KIAA1217: variants seen among roughly 807,000 people sequenced by gnomAD.
The protein encoded by KIAA1217 is KIAA1217.
KIAA1217 carries 88 observed loss-of-function variants against 163.9 expected under a neutral mutation model. The ratio of observed to expected loss-of-function variants is 0.54; its 90% CI spans 0.45 to 0.64. The LOEUF is 0.64. Among genes scored for constraint, KIAA1217 ranks in the 30% least tolerant of loss-of-function variants. KIAA1217 has a pLI of 0.00. For missense variants in KIAA1217, 2,372 were observed against 2,475.0 expected (o/e 0.96, Z 0.88); for synonymous variants, 903 against 923.1 (o/e 0.98, Z 0.39).
intron 2 of KIAA1217, among the ~76,000 whole-genome samples, chr10:24,100,140 G>GT (rs1026327426): frequency 2.0e-4 from 31 of 151,498 alleles, no homozygotes; most frequent in East Asian, 1.7e-3. Flanking sequence ...TCCTTTTAGG[G>GT]TTTTTTTTGT....
In KIAA1217 at chr10:23,697,876, C is replaced by CAA. The variant is rs763181707; in HGVS notation, c.-321+2655_-321+2656dup. On this transcript the variant is annotated intron_variant, in intron 1 of 18. Transcript: ENST00000376462. ...TGGTTGACAAAGTGAGACCCTGTCTCAAAAAAAAAAAAAAGTGTACAACAA... is the reference window on the plus strand; with the variant it reads ...TGGTTGACAAAGTGAGACCCTGTCTCAAAAAAAAAAAAAAAAGTGTACAACAA... Among the ~76,000 whole-genome samples the CAA allele has an allele frequency of 7.0e-3, 915 of 129,794 alleles. 14 individuals are homozygous for CAA. The highest frequency in any genetic ancestry group is 0.023 in the African/African-American group (808 of 35,492). The allele number at this position is 129,794 out of a possible 152,430, so 85.1% of individuals were successfully genotyped here.
intron 1 of KIAA1217, among the ~76,000 whole-genome samples, chr10:23,758,202 G>A (rs557593909): frequency 5.8e-4 from 89 of 152,196 alleles, no homozygotes; most frequent in Admixed American, 1.1e-3. Flanking sequence ...TTACATTTAG[G>A]TCTTTGATTC....
intron 6 of KIAA1217, among the ~76,000 whole-genome samples, chr10:24,480,394 T>C (rs2064528407): frequency 6.6e-6 from 1 of 152,216 alleles, no homozygotes; most frequent in South Asian, 2.1e-4. Flanking sequence ...TTCAGGTCAG[T>C]CAATCTGCTC....
chr10:24,544,117 A>T lies in KIAA1217; in HGVS notation c.4847A>T (p.Gln1616Leu), dbSNP rs1288937443. Reference protein sequence around the residue: ...EEEEEDGTLKQHKEAKRFEIA... With the variant: ...EEEEEDGTLKLHKEAKRFEIA... Reference sequence around the variant, plus strand: ...GAGGAAGAGGATGGCACCCTGAAACAGCACAAAGAAGCCAAGCGCTTCGAA... The same window carrying T: ...GAGGAAGAGGATGGCACCCTGAAACTGCACAAAGAAGCCAAGCGCTTCGAA... Residue 1616 changes from glutamine (Q) to leucine (L), a missense_variant, in exon 19 of 21, where the codon CAG becomes CTG. By Grantham distance (113) the Gln-to-Leu change is moderately radical. Transcript: ENST00000376454. 6.2e-7 allele frequency: 1 copy of T among 1,614,174 alleles called. No individual in the cohort carries two copies. Among genetic ancestry groups the T allele is most frequent in the Non-Finnish European group, 8.5e-7 (1 of 1,180,046 alleles).
rs922958869 is a variant in KIAA1217, at chr10:24,239,494, G to A, written c.354+19585G>A. On this transcript the variant is annotated intron_variant, in intron 2 of 20. Transcript: ENST00000376454. ...TCGTGCTAAAGGGCTGTTTTTAAGGGCTTTTTTTTTTTTTTTTATTGAATG... is the reference window on the plus strand; with the variant it reads ...TCGTGCTAAAGGGCTGTTTTTAAGGACTTTTTTTTTTTTTTTTATTGAATG... Among the ~76,000 whole-genome samples, 4 of 98,402 alleles carry A rather than the reference G, an allele frequency of 4.1e-5. No homozygotes were observed. The Admixed American group carries it at 4.3e-4, about 11-fold the overall frequency. 64.6% of individuals were successfully genotyped at this position (98,402 alleles called of 152,430 possible).
intron 9 of KIAA1217, among the ~76,000 whole-genome samples, chr10:24,503,706 G>T (rs1021666980): frequency 6.6e-6 from 1 of 152,190 alleles, no homozygotes; most frequent in Non-Finnish European, 1.5e-5. Context: ...ACTAATTACT[G>T]AGTACTCTGC....
intron 1 of KIAA1217, among the ~76,000 whole-genome samples, chr10:23,758,051 A>G (rs1433861535): frequency 6.6e-6 from 1 of 152,086 alleles, no homozygotes; most frequent in African/African-American, 2.4e-5. Flanking sequence ...CAAAATTTTT[A>G]AATTTTGATG....
At chr10:23,898,227 T>C (rs1841790786) in intron 1 of KIAA1217, among the ~76,000 whole-genome samples, 3 of 151,992 alleles carry the variant, frequency 2.0e-5, no homozygotes, top group African/African-American at 7.2e-5. Context: ...TACTCCATCA[T>C]ATTGATCTCA....
At chr10:24,078,544 TA>T (rs1257068621) in intron 2 of KIAA1217, among the ~76,000 whole-genome samples, 1 of 152,184 alleles carries the variant, frequency 6.6e-6, no homozygotes, top group Non-Finnish European at 1.5e-5. Context: ...TGTGGGCAAA[TA>T]CTTGGGCCCT....
chr10:24,546,105 T>C lies in KIAA1217; in HGVS notation c.5613T>C (p.Gly1871=). The change falls in exon 21 of 21, where the codon GGT becomes GGC. Residue 1871 remains glycine, a synonymous_variant. Transcript: ENST00000376454. ...SLKFQSLTHT[G]KGHHLSFSPQ... ...AGTTTCAGAGCCTCACTCATACAGG[T>C]AAAGGTCACCATCTTTCATTCTCAC... 3 of 1,614,154 alleles carry C rather than the reference T, an allele frequency of 1.9e-6. No homozygotes were observed. Among genetic ancestry groups the C allele is most frequent in the Non-Finnish European group, 2.5e-6 (3 of 1,180,030 alleles).
chr10:24,224,301 A>G (rs12268182), intron 2 of KIAA1217, among the ~76,000 whole-genome samples: 11,804 of 152,090 alleles, frequency 0.078, 1,550 homozygotes, highest in African/African-American at 0.27. Flanking sequence ...TGCTAATTCT[A>G]TGATTTGGGC....
chr10:24,264,219 G>T (rs1231832967), intron 2 of KIAA1217, among the ~76,000 whole-genome samples: 1 of 152,092 alleles, frequency 6.6e-6, no homozygotes, highest in Non-Finnish European at 1.5e-5. Context: ...GTGTTTTGTG[G>T]CAAATAAGTT....
chr10:24,523,268 G>C lies in KIAA1217; in HGVS notation c.2457-1055G>C, dbSNP rs7909246. On this transcript the variant is annotated intron_variant, in intron 12 of 20. Coordinates refer to ENST00000376454, the MANE Select transcript of KIAA1217 (RefSeq NM_019590.5). ...ACGTAAGAGTTTGAGGCTGCAGTGGGCTAGGATTGAGCCACTGCACTCCAG... is the reference window on the plus strand; with the variant it reads ...ACGTAAGAGTTTGAGGCTGCAGTGGCCTAGGATTGAGCCACTGCACTCCAG... Among the ~76,000 whole-genome samples the C allele has an allele frequency of 5.0e-3, 766 of 152,206 alleles. 21 individuals are homozygous for C. The highest frequency in any genetic ancestry group is 0.038 in the Admixed American group (584 of 15,292).
chr10:23,942,074 A>G (rs1476295330), intron 1 of KIAA1217, among the ~76,000 whole-genome samples: 3 of 152,228 alleles, frequency 2.0e-5, no homozygotes, highest in African/African-American at 7.2e-5. Context: ...TAATATGAAT[A>G]ATATGCAACT....
At chr10:23,706,285 C>A (rs151044544) in intron 1 of KIAA1217, among the ~76,000 whole-genome samples, 1 of 152,158 alleles carries the variant, frequency 6.6e-6, no homozygotes, top group Admixed American at 6.5e-5. Context: ...TAATTGTCCT[C>A]GCTAGGTCCT....
At chr10:24,545,312 T>C (rs2075613385) in intron 20 of KIAA1217, 1 of 1,402,752 alleles carries the variant, frequency 7.1e-7, no homozygotes, top group Non-Finnish European at 9.2e-7. Flanking sequence ...TCTTTTACTT[T>C]GTGACTCCAA....
At position 23,961,840 on chromosome 10, in the gene KIAA1217, C is replaced by A. The variant is rs7912417; in HGVS notation, c.-320-45385C>A. Among the ~76,000 whole-genome samples, 130 of 152,230 alleles carry A rather than the reference C, an allele frequency of 8.5e-4. 1 individual carries two copies. The highest frequency in any genetic ancestry group is 2.9e-3 in the African/African-American group (122 of 41,536). ...AGGGCTGTGAAGGATCTATTCCAGA[C>A]CTCTCTCCTTGGTTTGCAGGTGCTC... On this transcript the variant is annotated intron_variant, in intron 1 of 18. Coordinates refer to the KIAA1217 transcript ENST00000376462.
rs544231876 is a variant in KIAA1217 at position 24,117,543 on chromosome 10, G to C, written c.-170-102083G>C. On this transcript the variant is annotated intron_variant, in intron 2 of 18. Transcript: ENST00000376462. ...TACTTGGGAGGTTGAGGTGAGGTGGGAAGATCACTTGAGCCCAGGAGGTTG... is the reference window on the plus strand; with the variant it reads ...TACTTGGGAGGTTGAGGTGAGGTGGCAAGATCACTTGAGCCCAGGAGGTTG... Among the ~76,000 whole-genome samples the C allele has an allele frequency of 4.6e-5, 7 of 152,190 alleles. No individual in the cohort carries two copies. The South Asian group carries it at 1.5e-3, about 32-fold the overall frequency.
At chr10:23,865,132 T>A (rs1222293199) in intron 1 of KIAA1217, among the ~76,000 whole-genome samples, 1 of 152,182 alleles carries the variant, frequency 6.6e-6, no homozygotes, top group Admixed American at 6.6e-5. Context: ...AACTTGCTTT[T>A]TTCTCACCAA....
Sources: allele counts gnomAD v4.1 joint callset (sites outside exome capture counted in the v4.1 genomes callset), GRCh38; gene constraint gnomAD v4.1.1; transcripts MANE v1.5; gene names NCBI Gene and HGNC (gene_info 2026-07-23, HGNC 2026-07-21).